The following DYNC2H1 variants were observed in gnomAD, a reference collection of about 807,000 sequenced individuals.
DYNC2H1 encodes the protein dynein cytoplasmic 2 heavy chain 1.
DYNC2H1 carries 410 observed loss-of-function variants against 570.0 expected under a neutral mutation model. The ratio of observed to expected loss-of-function variants is 0.72; its 90% CI spans 0.66 to 0.78. The LOEUF is 0.78. DYNC2H1 is among the 30% of genes least tolerant of loss of function. The probability of loss-of-function intolerance (pLI) is 0.00; values close to 1 mark genes in which losing one functional copy is unlikely to be tolerated. For missense variants in DYNC2H1, 4,865 were observed against 5,046.4 expected (o/e 0.96, Z 1.09); for synonymous variants, 1,688 against 1,677.6 (o/e 1.01, Z -0.15).
intron 73 of DYNC2H1, among the ~76,000 whole-genome samples, chr11:103,285,484 G>T (rs1463497920): frequency 2.0e-5 from 3 of 147,950 alleles, no homozygotes; most frequent in African/African-American, 5.0e-5. Context: ...GTGCAGTGGC[G>T]TGATCTCGGC....
rs2135082253 is a variant in DYNC2H1 at position 103,200,107 on chromosome 11, T to A, written c.8150T>A (p.Phe2717Tyr). Reference protein sequence around the residue: ...QVVLLLEDYQFVHPTFLEMIN... With the variant: ...QVVLLLEDYQYVHPTFLEMIN... ...GTTTTACTTCTTGAGGATTACCAGTTTGTACATCCTACATTTTTGGAGATG... is the reference window on the plus strand; with the variant it reads ...GTTTTACTTCTTGAGGATTACCAGTATGTACATCCTACATTTTTGGAGATG... Residue 2717 changes from phenylalanine to tyrosine, a missense_variant, in exon 50 of 89, where the codon TTT (phenylalanine) becomes TAT (tyrosine). Around this residue, in one of 5 missense-constraint regions of DYNC2H1, gnomAD observed 2,401 missense variants for 2,454.6 expected, o/e 0.98. Coordinates refer to ENST00000375735, the MANE Select transcript of DYNC2H1 (RefSeq NM_001377.3). The A allele has an allele frequency of 6.3e-7, 1 of 1,589,888 alleles. No homozygotes were observed. Among genetic ancestry groups the A allele is most frequent in the South Asian group, 1.2e-5 (1 of 86,694 alleles).
chr11:103,114,987 T>C (rs1858304394), intron 3 of DYNC2H1, among the ~76,000 whole-genome samples, 190 bp from the exon 4 acceptor site: 1 of 152,184 alleles, frequency 6.6e-6, no homozygotes, highest in African/African-American at 2.4e-5. Context: ...AATGTGGCAC[T>C]AAGTAGACTT....
At chr11:103,143,973 A>G (rs778667326) in intron 18 of DYNC2H1, among the ~76,000 whole-genome samples, 1 of 152,232 alleles carries the variant, frequency 6.6e-6, no homozygotes, top group Non-Finnish European at 1.5e-5. Context: ...AAAGGATAAT[A>G]TCACTTTTAT....
chr11:103,236,293 G>A, intron 62 of DYNC2H1, 137 bp from the exon 63 acceptor site: 1 of 594,098 alleles, frequency 1.7e-6, no homozygotes, highest in Non-Finnish European at 3.0e-6. Context: ...CCGTGGGTTT[G>A]GGTGTTAAAT....
At chr11:103,130,013 A>G (rs930153361) in intron 13 of DYNC2H1, among the ~76,000 whole-genome samples, 6 of 152,208 alleles carry the variant, frequency 3.9e-5, no homozygotes, top group Non-Finnish European at 8.8e-5. Context: ...GGAAAGGTGC[A>G]TGATGGGGTG....
At chr11:103,364,571 A>C (rs1456625122) in intron 83 of DYNC2H1, among the ~76,000 whole-genome samples, 5 of 151,146 alleles carry the variant, frequency 3.3e-5, no homozygotes, top group Non-Finnish European at 2.9e-5. Context: ...AATATTTGTA[A>C]GACTCTGGTT....
intron 84 of DYNC2H1, among the ~76,000 whole-genome samples, chr11:103,413,100 G>GGAAATACTGCA (rs1270730962): frequency 1.3e-5 from 2 of 152,134 alleles, no homozygotes; most frequent in Admixed American, 1.3e-4. Flanking sequence ...TCAACTTTGG[G>GGAAATACTGCA]GAAATACTGC....
At chr11:103,180,054 T>A (rs1013164555) in intron 39 of DYNC2H1, among the ~76,000 whole-genome samples, 1 of 151,676 alleles carries the variant, frequency 6.6e-6, no homozygotes, top group Non-Finnish European at 1.5e-5. Context: ...TTGACAGTAT[T>A]GTAGGAAACA....
At chr11:103,150,106 A>G (rs1180754194) in intron 20 of DYNC2H1, among the ~76,000 whole-genome samples, 3 of 152,208 alleles carry the variant, frequency 2.0e-5, no homozygotes, top group Non-Finnish European at 4.4e-5. Flanking sequence ...AAGGAAGAGA[A>G]TGGTATGAGG....
chr11:103,370,606 C>G (rs1366977524), intron 83 of DYNC2H1, among the ~76,000 whole-genome samples: 2 of 152,280 alleles, frequency 1.3e-5, no homozygotes, highest in South Asian at 4.1e-4. Context: ...ACCCCCAGCT[C>G]CAGGTGACTC....
At chr11:103,330,699 C>G (rs1279493496) in intron 82 of DYNC2H1, among the ~76,000 whole-genome samples, 2 of 151,522 alleles carry the variant, frequency 1.3e-5, no homozygotes, top group Non-Finnish European at 2.9e-5. Flanking sequence ...TAGTAGGTCC[C>G]TTTATGACAA....
intron 82 of DYNC2H1, among the ~76,000 whole-genome samples, chr11:103,352,334 G>A (rs938131098): frequency 1.3e-5 from 2 of 151,682 alleles, no homozygotes; most frequent in Admixed American, 6.6e-5. Flanking sequence ...TCAATTTTTA[G>A]CATTGCTTCT....
chr11:103,421,043 CA>C (rs2135715422), intron 84 of DYNC2H1, among the ~76,000 whole-genome samples: 1 of 152,100 alleles, frequency 6.6e-6, no homozygotes, highest in South Asian at 2.1e-4. Flanking sequence ...ATTTACCAAG[CA>C]AATGGAAAAC....
At chr11:103,255,253 G>GT (rs572673071) in intron 66 of DYNC2H1, among the ~76,000 whole-genome samples, 162 bp from the exon 67 acceptor site, 44 of 152,240 alleles carry the variant, frequency 2.9e-4, no homozygotes, top group African/African-American at 9.9e-4. Flanking sequence ...TTCATCAGAT[G>GT]TAATTGTTGA....
At chr11:103,355,417 GAAAAT>G (rs1004739514) in intron 82 of DYNC2H1, among the ~76,000 whole-genome samples, 9 of 152,028 alleles carry the variant, frequency 5.9e-5, no homozygotes, top group African/African-American at 2.2e-4. Flanking sequence ...ATTAGGATGG[GAAAAT>G]AAAATAAAAC....
chr11:103,194,593 A>G (rs547069822), intron 47 of DYNC2H1, among the ~76,000 whole-genome samples: 1 of 152,156 alleles, frequency 6.6e-6, no homozygotes, highest in Non-Finnish European at 1.5e-5. Context: ...TAGATATGTC[A>G]TTGTGGCTTT....
intron 60 of DYNC2H1, among the ~76,000 whole-genome samples, 159 bp from the exon 61 acceptor site, chr11:103,233,875 T>TGG (rs1565417498): frequency 2.3e-5 from 2 of 88,674 alleles, no homozygotes; most frequent in African/African-American, 3.9e-5. Context: ...TGTGTGTGTG[T>TGG]GTGGGTTTGT....
chr11:103,399,778 A>C lies in DYNC2H1; in HGVS notation c.12272A>C (p.His4091Pro), dbSNP rs1673372413. The C allele has an allele frequency of 6.2e-7, 1 of 1,613,850 alleles. No individual in the cohort carries two copies. The highest frequency in any genetic ancestry group is 1.3e-5 in the African/African-American group (1 of 74,944). The change falls in exon 84 of 89, where the codon CAC becomes CCC. Residue 4091 changes from histidine to proline, a missense_variant. This residue lies in a region of DYNC2H1 where 2,401 missense variants were observed against 2,454.6 expected (regional missense o/e 0.98). Coordinates refer to ENST00000375735, the MANE Select transcript of DYNC2H1 (RefSeq NM_001377.3). ...FNAIRLVQSV[H>P]QSLAALSKVI... ...GCTATTCGTTTAGTACAAAGTGTCC[A>C]CCAGTCTCTTGCTGCTCTCAGCAAA... is the stretch of plus-strand genomic sequence containing the variant.
At chr11:103,137,730 G>A (rs1472635154) in intron 17 of DYNC2H1, among the ~76,000 whole-genome samples, 1 of 152,210 alleles carries the variant, frequency 6.6e-6, no homozygotes, top group Non-Finnish European at 1.5e-5. Flanking sequence ...GGTTCCATAT[G>A]AACTTTAAAG....
Sources: allele counts gnomAD v4.1 joint callset (sites outside exome capture counted in the v4.1 genomes callset), GRCh38; gene constraint gnomAD v4.1.1; regional missense constraint gnomAD v4.1.1; transcripts MANE v1.5; gene names NCBI Gene and HGNC (gene_info 2026-07-23, HGNC 2026-07-21).